TRIM55: variants seen among roughly 807,000 people sequenced by gnomAD.
TRIM55 encodes the protein tripartite motif-containing protein 55.
In TRIM55, 50 loss-of-function variants were observed where a neutral mutation model predicts 60.9. The ratio of observed to expected loss-of-function variants is 0.82; its 90% CI spans 0.65 to 1.04. The LOEUF (loss-of-function observed/expected upper bound fraction) is 1.04, where lower values mean the gene tolerates loss of function less well. Among genes scored for constraint, TRIM55 ranks in the 50% least tolerant of loss-of-function variants. TRIM55 has a pLI of 0.00. For synonymous variants in TRIM55, 237 were observed against 238.1 expected, an observed-to-expected ratio of 1.00 and a Z score of 0.04; for missense variants, 681 against 666.9, an observed-to-expected ratio of 1.02 and a Z score of -0.23.
chr8:66,147,843 T>C (rs1810191036), intron 4 of TRIM55, among the ~76,000 whole-genome samples: 2 of 151,416 alleles, frequency 1.3e-5, no homozygotes, highest in Admixed American at 6.6e-5. Context: ...AACAGATATT[T>C]AGTGAACAGC....
At chr8:66,167,186 A>G (rs1213157636) in intron 9 of TRIM55, among the ~76,000 whole-genome samples, 2 of 152,104 alleles carry the variant, frequency 1.3e-5, no homozygotes, top group Non-Finnish European at 2.9e-5. Flanking sequence ...TTTATCCTAG[A>G]GTTACTTTGA....
intron 9 of TRIM55, among the ~76,000 whole-genome samples, chr8:66,165,204 A>G (rs1329533695): frequency 6.6e-6 from 1 of 152,222 alleles, no homozygotes; most frequent in Non-Finnish European, 1.5e-5. Context: ...TCCAAGGAGG[A>G]GCAACCTTTG....
At chr8:66,172,041 G>T (rs1309700580) in intron 9 of TRIM55, among the ~76,000 whole-genome samples, 1 of 151,898 alleles carries the variant, frequency 6.6e-6, no homozygotes, top group Non-Finnish European at 1.5e-5. Context: ...CCTCTTCACT[G>T]TTGAAAGAAA....
At chr8:66,118,371 A>G in the TRIM55 span, among the ~76,000 whole-genome samples, 6 of 151,924 alleles carry the variant, frequency 3.9e-5, no homozygotes, top group Admixed American at 3.9e-4. Context: ...AGTGTTAGCT[A>G]CTGTTTAGTG....
At chr8:66,150,686 T>G (rs1810368690) in intron 7 of TRIM55, among the ~76,000 whole-genome samples, 1 of 151,926 alleles carries the variant, frequency 6.6e-6, no homozygotes, top group Non-Finnish European at 1.5e-5. Flanking sequence ...TTTTTTTTTT[T>G]GATGGACTCT....
chr8:66,152,903 TTGTGTGTGTGTGTGTGTG>T (rs59283692), intron 8 of TRIM55, among the ~76,000 whole-genome samples: 10 of 140,392 alleles, frequency 7.1e-5, no homozygotes, highest in African/African-American at 1.0e-4. Context: ...TGTCTGGAAA[TTGTGTGTGTGTGTGTGTG>T]TGTGTGTGTG....
intron 7 of TRIM55, among the ~76,000 whole-genome samples, 198 bp downstream of exon 7, chr8:66,150,664 A>G (rs1238786741): frequency 6.7e-6 from 1 of 150,164 alleles, no homozygotes; most frequent in Admixed American, 6.6e-5. Flanking sequence ...AGCTTTGCAC[A>G]TATGGTGCCT....
intron 2 of TRIM55, among the ~76,000 whole-genome samples, chr8:66,130,667 T>C: frequency 6.6e-6 from 1 of 150,938 alleles, no homozygotes; most frequent in African/African-American, 2.4e-5. Flanking sequence ...TTCTTTTTTT[T>C]TTTTTTTTTT....
chr8:66,174,625 C>G lies in TRIM55; in HGVS notation c.*32C>G, dbSNP rs751950699. 1.3e-6 allele frequency: 2 copies of G among 1,562,522 alleles called. No homozygotes were observed. The highest frequency in any genetic ancestry group is 2.3e-5 in the South Asian group (2 of 86,160). ...TTCCAACTGCTGCCCCTCTGTCTGC[C>G]TGGCTGAGATGCATGTGGGCAGCAG... On this transcript the variant is annotated 3_prime_UTR_variant, in exon 10 of 10. Transcript: ENST00000315962.
intron 9 of TRIM55, among the ~76,000 whole-genome samples, chr8:66,161,388 C>A (rs1811041779): frequency 6.6e-6 from 1 of 151,956 alleles, no homozygotes. Flanking sequence ...GGTCTATATG[C>A]CTATTTTTAT....
intron 9 of TRIM55, among the ~76,000 whole-genome samples, chr8:66,165,005 A>T (rs1156445749): frequency 6.6e-6 from 1 of 152,086 alleles, no homozygotes; most frequent in Non-Finnish European, 1.5e-5. Context: ...GGTTTAAAAG[A>T]CTGGTAGCGG....
intron 3 of TRIM55, among the ~76,000 whole-genome samples, chr8:66,135,563 T>G (rs1809435263): frequency 6.6e-6 from 1 of 152,232 alleles, no homozygotes. Flanking sequence ...CAGAATACTT[T>G]CCTTCATCCA....
At chr8:66,170,798 T>A (rs1811581725) in intron 9 of TRIM55, among the ~76,000 whole-genome samples, 1 of 152,150 alleles carries the variant, frequency 6.6e-6, no homozygotes, top group South Asian at 2.1e-4. Flanking sequence ...CACTTCTGAG[T>A]ATATACTCAA....
At chr8:66,122,840 T>A (rs1808684208), upstream of TRIM55, among the ~76,000 whole-genome samples, 1 of 152,162 alleles carries the variant, frequency 6.6e-6, no homozygotes, top group Non-Finnish European at 1.5e-5. Flanking sequence ...CAAATTCCAA[T>A]CTGACTCTAG....
chr8:66,144,688 G>A (rs932143146), intron 4 of TRIM55, among the ~76,000 whole-genome samples: 1 of 152,234 alleles, frequency 6.6e-6, no homozygotes, highest in Non-Finnish European at 1.5e-5. Context: ...CCAGAGAAGA[G>A]GGGAGGTGTA....
At chr8:66,122,336 C>T (rs1417932229), upstream of TRIM55, among the ~76,000 whole-genome samples, 3 of 152,114 alleles carry the variant, frequency 2.0e-5, no homozygotes, top group Admixed American at 2.0e-4. Context: ...CTACCTAGGA[C>T]CTGGAATCCC....
chr8:66,118,437 A>T, the TRIM55 span, among the ~76,000 whole-genome samples: 1 of 152,076 alleles, frequency 6.6e-6, no homozygotes, highest in East Asian at 1.9e-4. Flanking sequence ...TCTTTTCATT[A>T]AAAATTTAAA....
upstream of TRIM55, among the ~76,000 whole-genome samples, chr8:66,123,588 G>A (rs532648818): frequency 8.5e-5 from 13 of 152,324 alleles, no homozygotes; most frequent in African/African-American, 3.1e-4. Context: ...GGAAGATAGA[G>A]ATCAGCTCTG....
Position 66,153,494 on chromosome 8 carries a change from G to A in TRIM55, c.1237-553G>A, listed in dbSNP as rs1291994469. Among the ~76,000 whole-genome samples, 5 of 152,236 alleles carry A rather than the reference G, an allele frequency of 3.3e-5. 1 individual carries two copies. The highest frequency in any genetic ancestry group is 4.2e-4 in the South Asian group (2 of 4,816). Reference sequence around the variant, plus strand: ...GTGGATTGAAACAAAACTCCAGAGGGGGATCTCAGAGATGGAACTGTATTT... The same window carrying A: ...GTGGATTGAAACAAAACTCCAGAGGAGGATCTCAGAGATGGAACTGTATTT... On this transcript the variant is annotated intron_variant, in intron 8 of 9. Coordinates refer to ENST00000315962, the MANE Select transcript of TRIM55 (RefSeq NM_184085.2).
Sources: gnomAD v4.1 joint callset for allele counts (sites outside exome capture counted in the v4.1 genomes callset) on GRCh38, gnomAD v4.1.1 for gene constraint, MANE v1.5 for transcripts, NCBI Gene and HGNC (gene_info 2026-07-23, HGNC 2026-07-21) for gene names.